Variants in ZZZ3 observed in about 807,000 individuals in gnomAD.
The protein encoded by ZZZ3 is ZZ-type zinc finger-containing protein 3.
A neutral mutation model predicts 95.2 loss-of-function variants in ZZZ3; 22 were observed. The observed-to-expected ratio is 0.23, with a 90% confidence interval of 0.17 to 0.33. The LOEUF (loss-of-function observed/expected upper bound fraction) is 0.33. Among genes scored for constraint, ZZZ3 ranks in the 10% least tolerant of loss-of-function variants. The pLI is 1.00. For synonymous variants in ZZZ3, 335 were observed against 358.9 expected, an observed-to-expected ratio of 0.93 and a Z score of 0.75; for missense variants, 885 against 1,066.5, an observed-to-expected ratio of 0.83 and a Z score of 2.37.
chr1:77,636,806 TTAAA>T (rs1237543754), intron 4 of ZZZ3, among the ~76,000 whole-genome samples: 3 of 152,050 alleles, frequency 2.0e-5, no homozygotes, highest in Non-Finnish European at 4.4e-5. Flanking sequence ...AATACAAAAG[TTAAA>T]TAAAATATGA....
intron 5 of ZZZ3, among the ~76,000 whole-genome samples, chr1:77,585,939 T>C (rs1663040872): frequency 6.6e-6 from 1 of 152,224 alleles, no homozygotes; most frequent in South Asian, 2.1e-4. Flanking sequence ...AAATTTTTAA[T>C]AATTAAGGTA....
intron 5 of ZZZ3, among the ~76,000 whole-genome samples, chr1:77,618,203 C>T (rs1261307575): frequency 3.4e-5 from 5 of 149,184 alleles, no homozygotes; most frequent in Non-Finnish European, 5.9e-5. Context: ...GAAGATATAC[C>T]CTTGCTCTAG....
chr1:77,576,777 C>A (rs113281428), intron 11 of ZZZ3, among the ~76,000 whole-genome samples: 222 of 31,574 alleles, frequency 7.0e-3, no homozygotes, highest in African/African-American at 0.011. Flanking sequence ...AACAAAAAAA[C>A]AACAAAAAAA....
intron 5 of ZZZ3, among the ~76,000 whole-genome samples, chr1:77,630,368 T>C (rs1018905349): frequency 6.6e-6 from 1 of 152,024 alleles, no homozygotes; most frequent in African/African-American, 2.4e-5. Context: ...CCCAGCTACT[T>C]GGGAGGCTGA....
At chr1:77,624,852 G>C (rs919595375) in intron 5 of ZZZ3, among the ~76,000 whole-genome samples, 3 of 152,132 alleles carry the variant, frequency 2.0e-5, no homozygotes, top group Non-Finnish European at 4.4e-5. Flanking sequence ...TTGTAGGATG[G>C]AGACCTTAAC....
At chr1:77,575,998 G>A in intron 12 of ZZZ3, 70 bp downstream of exon 12, 11 of 1,232,668 alleles carry the variant, frequency 8.9e-6, no homozygotes, top group Non-Finnish European at 1.1e-5. Flanking sequence ...TCTGAAGAGT[G>A]GAAATAATTA....
At chr1:77,680,188 A>C (rs1404698414) in intron 1 of ZZZ3, among the ~76,000 whole-genome samples, 1 of 152,258 alleles carries the variant, frequency 6.6e-6, no homozygotes, top group Non-Finnish European at 1.5e-5. Context: ...ATTAAGTATA[A>C]CCTTAAGCTG....
intron 5 of ZZZ3, among the ~76,000 whole-genome samples, chr1:77,589,615 G>GGGTTT (rs754883058): frequency 4.7e-4 from 72 of 151,818 alleles, no homozygotes; most frequent in East Asian, 1.4e-3. Flanking sequence ...TTGTTCTCTG[G>GGGTTT]GGTTTGGTTT....
chr1:77,624,644 G>A (rs1210715130), intron 5 of ZZZ3, among the ~76,000 whole-genome samples: 2 of 152,042 alleles, frequency 1.3e-5, no homozygotes, highest in Non-Finnish European at 2.9e-5. Context: ...TCTTCATTTG[G>A]ATCCTTCGAA....
chr1:77,654,221 T>C (rs1471317416), intron 1 of ZZZ3, among the ~76,000 whole-genome samples: 5 of 147,800 alleles, frequency 3.4e-5, no homozygotes, highest in Admixed American at 3.4e-4. Context: ...GAAGTTATAG[T>C]TAAAAACTTG....
chr1:77,565,445 G>C lies in ZZZ3; in HGVS notation c.*195C>G. The C allele has an allele frequency of 2.0e-6, 1 of 496,290 alleles. No individual in the cohort carries two copies. The allele number at this position is 496,290 out of a possible 1,614,324, so 30.7% of individuals were successfully genotyped here. Reference sequence around the variant, plus strand: ...CACCAGGGAAACCTTTGCTCACCAGGAATGTTCAGCTGCTGAACAGTGATC... The same window carrying C: ...CACCAGGGAAACCTTTGCTCACCAGCAATGTTCAGCTGCTGAACAGTGATC... On this transcript the variant is annotated 3_prime_UTR_variant, in exon 15 of 15. Transcript: ENST00000370801.
chr1:77,565,770 T>A lies in ZZZ3; in HGVS notation c.2582A>T (p.Asp861Val), dbSNP rs779495617. Reference sequence around the variant, plus strand: ...TAATTGGTGATCTTCCTTGTGAATATCTGTTTCATGTAGACTGTAAAGAAA... The same window carrying A: ...TAATTGGTGATCTTCCTTGTGAATAACTGTTTCATGTAGACTGTAAAGAAA... ...DSCSDCLHET[D>V]IHKEDHQLEP... The change falls in exon 15 of 15, where the codon GAT (aspartate) becomes GTT (valine). Residue 861 changes from aspartate (D) to valine (V), a missense_variant. Around this residue, in one of 5 missense-constraint regions of ZZZ3, gnomAD observed 221 missense variants for 247.8 expected, o/e 0.89. Coordinates refer to ENST00000370801, the MANE Select transcript of ZZZ3 (RefSeq NM_015534.6). The A allele has an allele frequency of 4.3e-6, 7 of 1,613,168 alleles. No individual in the cohort carries two copies. Among genetic ancestry groups the A allele is most frequent in the East Asian group, 2.2e-5 (1 of 44,858 alleles).
At chr1:77,585,740 G>T (rs1663022067) in intron 5 of ZZZ3, among the ~76,000 whole-genome samples, 2 of 152,156 alleles carry the variant, frequency 1.3e-5, no homozygotes, top group Non-Finnish European at 2.9e-5. Flanking sequence ...TAAAGGAATA[G>T]ATATTCTGCG....
intron 1 of ZZZ3, among the ~76,000 whole-genome samples, chr1:77,657,009 C>T (rs537885836): frequency 6.6e-6 from 1 of 152,334 alleles, no homozygotes; most frequent in South Asian, 2.1e-4. Context: ...TCGAGACAGT[C>T]TCACTTTGTC....
chr1:77,603,836 CA>C (rs1664976190), intron 5 of ZZZ3, among the ~76,000 whole-genome samples: 1 of 152,026 alleles, frequency 6.6e-6, no homozygotes, highest in African/African-American at 2.4e-5. Flanking sequence ...CTTTTAACAA[CA>C]AAATTATTAT....
At position 77,570,874 on chromosome 1, in the gene ZZZ3, T is replaced by C. The variant is rs1661318609; in HGVS notation, c.2332-2408A>G. 2.0e-5 allele frequency among the ~76,000 whole-genome samples: 3 copies of C among 148,444 alleles called. No individual in the cohort carries two copies. The Admixed American group carries it at 2.0e-4, about 10-fold the overall frequency. On this transcript the variant is annotated intron_variant, in intron 12 of 14. Transcript: ENST00000370801. ...TTGTAGAGACGGGGTTTCGTCATGT[T>C]GCTCAGGCTGGTCTCGAACTTCTGG...
chr1:77,630,284 G>A (rs1278006657), intron 5 of ZZZ3, among the ~76,000 whole-genome samples: 3 of 152,004 alleles, frequency 2.0e-5, no homozygotes, highest in East Asian at 3.9e-4. Flanking sequence ...GACGAGCCTG[G>A]GCACCATGGT....
At chr1:77,631,324 T>G (rs1667795198) in intron 5 of ZZZ3, among the ~76,000 whole-genome samples, 1 of 152,178 alleles carries the variant, frequency 6.6e-6, no homozygotes, top group East Asian at 1.9e-4. Context: ...GTCATAGTGT[T>G]AATAGTAATA....
rs34535037 is a variant in ZZZ3 at position 77,632,718 on chromosome 1, T to C, written c.637A>G (p.Ile213Val). ...TCAGGCTGACAGTCATCACAGTTTA[T>C]AACAGCTGAATCACTGTCATCAACA... ...NGVDDSDSAV[I>V]NCDDCQPDGN... Residue 213 changes from isoleucine to valine, a missense_variant, in exon 5 of 15, where the codon ATA becomes GTA. By Grantham distance (29) the Ile-to-Val change is conservative. Coordinates refer to ENST00000370801, the MANE Select transcript of ZZZ3 (RefSeq NM_015534.6). 30,469 of 1,614,212 alleles carry C rather than the reference T, an allele frequency of 0.019. 504 individuals carry two copies. The highest frequency in any genetic ancestry group is 0.064 in the Middle Eastern group (387 of 6,062).
Sources: allele counts gnomAD v4.1 joint callset (sites outside exome capture counted in the v4.1 genomes callset), GRCh38; gene constraint gnomAD v4.1.1; regional missense constraint gnomAD v4.1.1; transcripts MANE v1.5; gene names NCBI Gene and HGNC (gene_info 2026-07-23, HGNC 2026-07-21).